HMGB1: variants seen among roughly 807,000 people sequenced by gnomAD.
The protein encoded by HMGB1 is high mobility group box 1, also known as high mobility group protein B1.
For synonymous variants in HMGB1, 81 were observed against 84.0 expected (o/e 0.96, Z 0.19); for missense variants, 79 against 253.5 (o/e 0.31, Z 4.67).
At chr13:30,553,708 A>G in intron 1 of HMGB1, 1 of 1,021,322 alleles carries the variant, frequency 9.8e-7, no homozygotes, top group Non-Finnish European at 1.5e-6. Flanking sequence ...AAGGAGTTGG[A>G]TGCTCAGCAT....
At chr13:30,520,106 G>A (rs75811887) in intron 1 of HMGB1, among the ~76,000 whole-genome samples, 14,433 of 152,238 alleles carry the variant, frequency 0.095, 812 homozygotes, top group East Asian at 0.19. Context: ...AGGATCACTG[G>A]AGCTCAGGAG....
chr13:30,456,760 C>CGGAG lies in HMGB1; in HGVS notation c.*4596_*4597insCTCC, dbSNP rs1555231081. On this transcript the variant is annotated 3_prime_UTR_variant, in exon 5 of 5. Transcript: ENST00000341423. ...CAGCATAAATAACAGCTTTTGTGGG[C>CGGAG]GGGGGGGGGGGGTGGTGGGGTGCAA... 7.4e-5 allele frequency: 1 copy of CGGAG among 13,544 alleles called. No homozygotes were observed. The allele number at this position is 13,544 out of a possible 1,614,324, so 0.8% of individuals were successfully genotyped here.
chr13:30,512,926 G>A (rs1050830781), intron 1 of HMGB1, among the ~76,000 whole-genome samples: 7 of 152,164 alleles, frequency 4.6e-5, no homozygotes, highest in Admixed American at 2.0e-4. Flanking sequence ...ACTTTGGGAG[G>A]CCAAGGTAGG....
chr13:30,474,863 T>G (rs1176653599), intron 1 of HMGB1, among the ~76,000 whole-genome samples: 1 of 150,520 alleles, frequency 6.6e-6, no homozygotes, highest in East Asian at 1.9e-4. Context: ...TGTTTTTTTT[T>G]TTTTGAGACA....
intron 1 of HMGB1, among the ~76,000 whole-genome samples, chr13:30,601,001 A>C (rs908414632): frequency 3.9e-5 from 6 of 152,172 alleles, no homozygotes; most frequent in Admixed American, 6.5e-5. Flanking sequence ...TCCACAAAAG[A>C]AGTAAAAATA....
In HMGB1 at chr13:30,597,166, G is replaced by C. The variant is rs7991980; in HGVS notation, c.-15+19505C>G. On this transcript the variant is annotated intron_variant, in intron 1 of 4. Transcript: ENST00000405805. ...GACTTTATTTGGAAATAGGGTCTTT[G>C]CAAGTGATAAAGAAGAGGTCATGGA... 2.0e-3 allele frequency among the ~76,000 whole-genome samples: 299 copies of C among 152,266 alleles called. 1 individual carries two copies. Among genetic ancestry groups the C allele is most frequent in the African/African-American group, 6.7e-3 (277 of 41,540 alleles).
At chr13:30,568,412 CAGA>C (rs992130015) in intron 1 of HMGB1, among the ~76,000 whole-genome samples, 1 of 152,106 alleles carries the variant, frequency 6.6e-6, no homozygotes, top group African/African-American at 2.4e-5. Context: ...GAGGCTGAGG[CAGA>C]AGGACTGCTC....
chr13:30,539,651 G>T, intron 1 of HMGB1: 1 of 284,446 alleles, frequency 3.5e-6, no homozygotes. Flanking sequence ...GAAAAGGATT[G>T]GTCCTGGAGT....
chr13:30,464,343 G>A, intron 1 of HMGB1: 1 of 985,426 alleles, frequency 1.0e-6, no homozygotes, highest in Non-Finnish European at 1.2e-6. Context: ...CGTCCGGTCT[G>A]AAGTTTCTCC....
chr13:30,589,175 T>C (rs548226381), intron 1 of HMGB1, among the ~76,000 whole-genome samples: 34 of 151,952 alleles, frequency 2.2e-4, no homozygotes, highest in Non-Finnish European at 4.4e-4. Context: ...TCAGCTAATT[T>C]TGTATTTTTA....
intron 1 of HMGB1, among the ~76,000 whole-genome samples, chr13:30,533,443 C>A (rs1009253122): frequency 2.6e-5 from 4 of 152,210 alleles, no homozygotes; most frequent in African/African-American, 9.7e-5. Flanking sequence ...TGGGTCATTG[C>A]AACCTTCACC....
At chr13:30,588,047 T>C (rs747493680) in intron 1 of HMGB1, among the ~76,000 whole-genome samples, 1 of 152,254 alleles carries the variant, frequency 6.6e-6, no homozygotes, top group Non-Finnish European at 1.5e-5. Context: ...TATGCTGTCA[T>C]GCATGTCTGC....
At chr13:30,477,806 C>T (rs760262366) in intron 1 of HMGB1, among the ~76,000 whole-genome samples, 20 of 152,136 alleles carry the variant, frequency 1.3e-4, no homozygotes, top group Non-Finnish European at 2.2e-4. Context: ...GGAGCTGGAC[C>T]GGTTGGGACA....
At chr13:30,538,466 C>CT (rs917221175) in intron 1 of HMGB1, among the ~76,000 whole-genome samples, 1 of 66,508 alleles carries the variant, frequency 1.5e-5, no homozygotes, top group Admixed American at 1.6e-4. Context: ...TTCTTTCTTT[C>CT]TTTCTTTCTT....
chr13:30,552,645 C>T (rs1869482418), intron 1 of HMGB1, among the ~76,000 whole-genome samples: 1 of 152,152 alleles, frequency 6.6e-6, no homozygotes, highest in Non-Finnish European at 1.5e-5. Flanking sequence ...CTCAGCTAGA[C>T]CCATTTTAAT....
chr13:30,519,492 G>A (rs900538249), intron 1 of HMGB1, among the ~76,000 whole-genome samples: 9 of 150,004 alleles, frequency 6.0e-5, no homozygotes, highest in Admixed American at 1.3e-4. Context: ...TCAGGAGATC[G>A]AGACCATCCC....
chr13:30,609,970 T>C (rs1053481175), intron 1 of HMGB1, among the ~76,000 whole-genome samples: 2 of 152,228 alleles, frequency 1.3e-5, no homozygotes, highest in African/African-American at 2.4e-5. Context: ...ATAAACATTT[T>C]CTTTATCCAC....
At chr13:30,507,912 G>A (rs1270133084) in intron 1 of HMGB1, among the ~76,000 whole-genome samples, 1 of 152,044 alleles carries the variant, frequency 6.6e-6, no homozygotes, top group Non-Finnish European at 1.5e-5. Context: ...CGGGAGGATC[G>A]CTTGAGCCCC....
Position 30,572,558 on chromosome 13 carries a change from CT to C in HMGB1, c.-15+44112del, listed in dbSNP as rs751059623. On this transcript the variant is annotated intron_variant, in intron 1 of 4. Coordinates refer to the HMGB1 transcript ENST00000405805. ...AATTTCCTTTAACTCTCACATCTGC[CT>C]TTTACTTCTTAAGACATTTTTCTAG... Among the ~76,000 whole-genome samples, 10 of 152,322 alleles carry C rather than the reference CT, an allele frequency of 6.6e-5. No individual in the cohort carries two copies. In the East Asian group the frequency reaches 7.7e-4, roughly 12 times the overall value.
Sources: gnomAD v4.1 joint callset for allele counts (sites outside exome capture counted in the v4.1 genomes callset) on GRCh38, gnomAD v4.1.1 for gene constraint, MANE v1.5 for transcripts, NCBI Gene and HGNC (gene_info 2026-07-23, HGNC 2026-07-21) for gene names.